Variants in SDCBP2 observed in about 807,000 individuals in gnomAD.
SDCBP2 encodes the protein syntenin-2.
In SDCBP2, 28 loss-of-function variants were observed where a neutral mutation model predicts 30.7. The observed-to-expected ratio is 0.91, with a 90% CI of 0.68 to 1.25. The LOEUF (loss-of-function observed/expected upper bound fraction) is 1.25. SDCBP2 is among the 50% of genes most tolerant of loss of function. SDCBP2 has a pLI of 0.00. For missense variants in SDCBP2, 399 were observed against 379.0 expected (o/e 1.05, Z -0.44); for synonymous variants, 166 against 157.3 (o/e 1.06, Z -0.41).
At chr20:1,311,043 C>A in intron 7 of SDCBP2, 152 bp from the exon 8 acceptor site, 1 of 576,324 alleles carries the variant, frequency 1.7e-6, no homozygotes, top group South Asian at 2.3e-5. Flanking sequence ...CCGAGCCTGT[C>A]AGATGAGGGT....
At chr20:1,322,321 G>C (rs1000322904) in intron 1 of SDCBP2, 2 of 152,110 alleles carry the variant, frequency 1.3e-5, no homozygotes, top group Non-Finnish European at 2.9e-5. Context: ...CCACTCTTGT[G>C]GTTGCCTCTT....
rs974856327 is a variant in SDCBP2, at chr20:1,313,198, C to T, written c.384+142G>A. 1.6e-5 allele frequency: 14 copies of T among 878,076 alleles called. No individual in the cohort carries two copies. Among genetic ancestry groups the T allele is most frequent in the Non-Finnish European group, 2.3e-5 (13 of 568,414 alleles). The allele number at this position is 878,076 out of a possible 1,614,324, so 54.4% of individuals were successfully genotyped here. A position where few individuals can be genotyped will look rare whatever the true frequency, so the allele number is the denominator to read the frequency against. Reference sequence around the variant, plus strand: ...CCGCCCGGGTCTCGGGGAGGAGGGACTGGGGGCAAGAGCCTGGCCGCTGGG... The same window carrying T: ...CCGCCCGGGTCTCGGGGAGGAGGGATTGGGGGCAAGAGCCTGGCCGCTGGG... On this transcript the variant is annotated intron_variant, in intron 5 of 8. Transcript: ENST00000360779. The surrounding 1 kb of genome is among the most constrained non-coding windows in gnomAD (Gnocchi z 5.2).
chr20:1,326,032 C>T (rs1417137019), intron 1 of SDCBP2, among the ~76,000 whole-genome samples: 1 of 152,180 alleles, frequency 6.6e-6, no homozygotes, highest in Non-Finnish European at 1.5e-5. Flanking sequence ...GGGACTCAGG[C>T]AGTTGGATGT....
chr20:1,319,076 A>G (rs1029254068), intron 3 of SDCBP2, among the ~76,000 whole-genome samples: 2 of 152,186 alleles, frequency 1.3e-5, no homozygotes, highest in South Asian at 2.1e-4. Flanking sequence ...TTGAGCCGCT[A>G]TCTGCCGTCC....
rs1477180189 is a variant in SDCBP2, at chr20:1,313,652, G to A, written c.226-154C>T. 3 of 1,381,824 alleles carry A rather than the reference G, an allele frequency of 2.2e-6. No individual in the cohort carries two copies. Among genetic ancestry groups the A allele is most frequent in the East Asian group, 5.6e-5 (2 of 35,566 alleles). The allele number at this position is 1,381,824 out of a possible 1,614,324, so 85.6% of individuals were successfully genotyped here. ...CCACGCTTCTCCCCTAGGGGCGAGA[G>A]GAGACGTGGCTCCACGCGGCCACTA... On this transcript the variant is annotated intron_variant, in intron 4 of 8. Transcript: ENST00000360779. The surrounding 1 kb of genome is among the most constrained non-coding windows in gnomAD (Gnocchi z 5.2).
rs1037037321 is a variant in SDCBP2, at chr20:1,324,676, C to T, written c.-19-4241G>A. On this transcript the variant is annotated intron_variant, in intron 1 of 8. Transcript: ENST00000360779. The surrounding 1 kb of genome is among the most constrained non-coding windows in gnomAD (Gnocchi z 4.7). ...GTTGGTTGTGGGGAGTTACACTTTG[C>T]TCACCATTCTGGAAAATCGCTGCCC... Among the ~76,000 whole-genome samples the T allele has an allele frequency of 6.6e-6, 1 of 152,216 alleles. No individual in the cohort carries two copies. Among genetic ancestry groups the T allele is most frequent in the Non-Finnish European group, 1.5e-5 (1 of 68,028 alleles).
chr20:1,311,364 C>T (rs1486129084), intron 7 of SDCBP2, among the ~76,000 whole-genome samples: 1 of 151,958 alleles, frequency 6.6e-6, no homozygotes, highest in Non-Finnish European at 1.5e-5. Context: ...AAGGATCCTC[C>T]TCCTCTTACA....
At chr20:1,315,374 C>T (rs2088761958) in intron 4 of SDCBP2, among the ~76,000 whole-genome samples, 1 of 152,044 alleles carries the variant, frequency 6.6e-6, no homozygotes, top group Admixed American at 6.6e-5. Context: ...TACAAAAATA[C>T]AAAAATTAGC....
intron 1 of SDCBP2, chr20:1,322,393 T>C (rs1354985420): frequency 1.3e-5 from 2 of 152,208 alleles, no homozygotes; most frequent in African/African-American, 4.8e-5. Flanking sequence ...TCTCATTTGC[T>C]GTGAAGCCTC....
chr20:1,328,727 G>A lies in SDCBP2; in HGVS notation c.-20+358C>T, dbSNP rs929358077. Among the ~76,000 whole-genome samples the A allele has an allele frequency of 1.2e-4, 19 of 152,158 alleles. 1 individual carries two copies. The highest frequency in any genetic ancestry group is 2.1e-4 in the Non-Finnish European group (14 of 68,024). ...GTCGGCCTGAGCTGTGGATTCCTTG[G>A]GAGAAATGGGCTTTTTGCCTGCCTG... On this transcript the variant is annotated intron_variant, in intron 1 of 8. Transcript: ENST00000360779.
intron 3 of SDCBP2, among the ~76,000 whole-genome samples, chr20:1,319,262 A>T (rs1376491552): frequency 6.6e-6 from 1 of 152,226 alleles, no homozygotes; most frequent in Non-Finnish European, 1.5e-5. Flanking sequence ...AAATGATATC[A>T]CATCCTCAAG....
At position 1,314,665 on chromosome 20, in the gene SDCBP2, G is replaced by A. The variant is rs542939602; in HGVS notation, c.226-1167C>T. Among the ~76,000 whole-genome samples, 43 of 149,334 alleles carry A rather than the reference G, an allele frequency of 2.9e-4. No homozygotes were observed. The South Asian group carries it at 7.0e-3, about 24-fold the overall frequency. On this transcript the variant is annotated intron_variant, in intron 4 of 8. Coordinates refer to ENST00000360779, the MANE Select transcript of SDCBP2 (RefSeq NM_080489.5). ...CCCAGCATTTTGGGAGACCAAGGCC[G>A]GAGGACCACTTGAGGCCAGGAGTTC...
intron 2 of SDCBP2, 39 bp from the exon 3 acceptor site, chr20:1,319,698 G>C: frequency 6.7e-7 from 1 of 1,488,634 alleles, no homozygotes; most frequent in South Asian, 1.3e-5. Flanking sequence ...CTGTGGCCAG[G>C]ACCCCAGGAA....
chr20:1,314,508 A>AAAAAAAAG (rs2088742543), intron 4 of SDCBP2, among the ~76,000 whole-genome samples: 1 of 144,396 alleles, frequency 6.9e-6, no homozygotes, highest in African/African-American at 2.6e-5. Flanking sequence ...AAAAAAAAAA[A>AAAAAAAAG]AAAGGAAAGG....
At chr20:1,318,237 G>C (rs758432209) in intron 4 of SDCBP2, 81 bp downstream of exon 4, 1 of 942,148 alleles carries the variant, frequency 1.1e-6, no homozygotes, top group Non-Finnish European at 1.8e-6. Context: ...AGAGAAAGAA[G>C]GTCTGTTGAA....
rs2088698747 is a variant in SDCBP2 at position 1,312,775 on chromosome 20, G to A, written c.385-13C>T. 6.2e-7 allele frequency: 1 copy of A among 1,601,572 alleles called. No homozygotes were observed. Among genetic ancestry groups the A allele is most frequent in the Non-Finnish European group, 8.5e-7 (1 of 1,173,892 alleles). ...GCACAAAGAGCCCCTGGGGGAGGCA[G>A]GGCCCCAGAGTCAGTGTCCCTGGCC... is the stretch of plus-strand genomic sequence containing the variant. On this transcript the variant is annotated splice_polypyrimidine_tract_variant and intron_variant, in intron 5 of 8. Transcript: ENST00000360779.
intron 1 of SDCBP2, among the ~76,000 whole-genome samples, 190 bp downstream of exon 1, chr20:1,328,895 C>T (rs1451629259): frequency 6.6e-6 from 1 of 152,136 alleles, no homozygotes; most frequent in Non-Finnish European, 1.5e-5. Context: ...CTTAATCAAA[C>T]TTGGTCCAGG....
At chr20:1,319,545 T>C in intron 3 of SDCBP2, 45 bp downstream of exon 3, 1 of 1,540,480 alleles carries the variant, frequency 6.5e-7, no homozygotes, top group Non-Finnish European at 8.8e-7. Context: ...ATCTCTTCCC[T>C]GAAAGGACTT....
At chr20:1,317,352 A>G (rs2088792481) in intron 4 of SDCBP2, among the ~76,000 whole-genome samples, 1 of 152,246 alleles carries the variant, frequency 6.6e-6, no homozygotes, top group African/African-American at 2.4e-5. Context: ...CTGGGAATCT[A>G]CTGTTTAACA....
Sources: gnomAD v4.1 joint callset for allele counts (sites outside exome capture counted in the v4.1 genomes callset) on GRCh38, gnomAD v4.1.1 for gene constraint, Gnocchi (gnomAD v3.1) non-coding constraint, MANE v1.5 for transcripts, NCBI Gene and HGNC (gene_info 2026-07-23, HGNC 2026-07-21) for gene names.